CAB39: variants seen among roughly 807,000 people sequenced by gnomAD.
CAB39 encodes the protein calcium-binding protein 39.
CAB39 carries 8 observed loss-of-function variants against 40.0 expected under a neutral mutation model. The ratio of observed to expected loss-of-function variants is 0.20; its 90% CI spans 0.12 to 0.36. The LOEUF is 0.36. CAB39 is among the 10% of genes least tolerant of loss of function. The pLI is 1.00. For synonymous variants in CAB39, 156 were observed against 141.6 expected (o/e 1.10, Z -0.72); for missense variants, 270 against 401.1 (o/e 0.67, Z 2.79).
intron 1 of CAB39, among the ~76,000 whole-genome samples, chr2:230,730,705 A>G (rs562725390): frequency 6.6e-6 from 1 of 152,286 alleles, no homozygotes; most frequent in South Asian, 2.1e-4. Context: ...CGGCCTCCCA[A>G]AGTGCTGGGA....
intron 1 of CAB39, among the ~76,000 whole-genome samples, chr2:230,732,735 A>G (rs1449568682): frequency 6.6e-6 from 1 of 152,198 alleles, no homozygotes; most frequent in Non-Finnish European, 1.5e-5. Flanking sequence ...TTATTCAGCA[A>G]TGAGAGCAGG....
At chr2:230,753,244 CTG>C (rs1317886921) in intron 1 of CAB39, among the ~76,000 whole-genome samples, 1 of 152,148 alleles carries the variant, frequency 6.6e-6, no homozygotes, top group African/African-American at 2.4e-5. Context: ...AGTGTTGTAA[CTG>C]TTCATTTTAT....
chr2:230,735,144 A>G (rs1054286730), intron 1 of CAB39, among the ~76,000 whole-genome samples: 4 of 152,096 alleles, frequency 2.6e-5, no homozygotes, highest in Non-Finnish European at 5.9e-5. Context: ...GCAGTTTACA[A>G]GTAGAGCTCA....
At chr2:230,752,487 G>A (rs1695108439) in intron 1 of CAB39, among the ~76,000 whole-genome samples, 1 of 152,130 alleles carries the variant, frequency 6.6e-6, no homozygotes, top group African/African-American at 2.4e-5. Context: ...GTCAAAATAG[G>A]GACAAATGCC....
chr2:230,749,143 A>G (rs1018183762), intron 1 of CAB39, among the ~76,000 whole-genome samples: 2 of 151,506 alleles, frequency 1.3e-5, no homozygotes, highest in Admixed American at 1.3e-4. Flanking sequence ...TTATATATAC[A>G]TATGTTACTA....
chr2:230,799,192 G>T, intron 5 of CAB39: 1 of 233,514 alleles, frequency 4.3e-6, no homozygotes, highest in Non-Finnish European at 7.5e-6. Context: ...GTAACAACCA[G>T]GTTTTCTCCT....
chr2:230,773,956 T>C (rs1415064001), intron 2 of CAB39, among the ~76,000 whole-genome samples: 1 of 152,150 alleles, frequency 6.6e-6, no homozygotes, highest in Non-Finnish European at 1.5e-5. Flanking sequence ...CTAGAAGGAA[T>C]TCAAGCTTTG....
intron 2 of CAB39, among the ~76,000 whole-genome samples, chr2:230,763,107 C>A (rs1695323688): frequency 6.6e-6 from 1 of 152,074 alleles, no homozygotes; most frequent in Non-Finnish European, 1.5e-5. Flanking sequence ...AAACTCATTA[C>A]AAGTTATAAA....
rs375891110 is a variant in CAB39 at position 230,818,095 on chromosome 2, G to A, written c.837+198G>A. The A allele has an allele frequency of 3.2e-4, 176 of 550,914 alleles. 3 individuals carry two copies. Among genetic ancestry groups the A allele is most frequent in the East Asian group, 2.6e-3 (82 of 31,058 alleles). The allele number at this position is 550,914 out of a possible 1,614,324, so 34.1% of individuals were successfully genotyped here. On this transcript the variant is annotated intron_variant, in intron 8 of 8. Transcript: ENST00000258418. ...CGGGTTACTGTTTGGATCTGGGAAC[G>A]AGAAGGTTTGTTCATAGAAGAGTGT...
intron 4 of CAB39, among the ~76,000 whole-genome samples, chr2:230,796,064 A>G (rs1695981035): frequency 1.3e-5 from 2 of 152,178 alleles, no homozygotes; most frequent in Admixed American, 6.5e-5. Flanking sequence ...GCAAGACCCC[A>G]TCAGTCTGTG....
rs951068307 is a variant in CAB39, at chr2:230,712,913, A to G, written c.-361A>G. ...GGTTCGGGGAGCGGCGCGGCCTGGGAGACACAGAGCCTTCAGGCGCCGGGG... is the reference window on the plus strand; with the variant it reads ...GGTTCGGGGAGCGGCGCGGCCTGGGGGACACAGAGCCTTCAGGCGCCGGGG... On this transcript the variant is annotated 5_prime_UTR_variant, in exon 1 of 9. Transcript: ENST00000258418. 2.6e-5 allele frequency: 4 copies of G among 151,778 alleles called. No individual in the cohort carries two copies. Among genetic ancestry groups the G allele is most frequent in the Admixed American group, 6.6e-5 (1 of 15,214 alleles). 9.4% of individuals were successfully genotyped at this position (151,778 alleles called of 1,614,324 possible).
intron 5 of CAB39, among the ~76,000 whole-genome samples, chr2:230,804,839 C>T (rs548735608): frequency 6.6e-6 from 1 of 152,276 alleles, no homozygotes; most frequent in South Asian, 2.1e-4. Flanking sequence ...GACAGTGTGG[C>T]GATTCCTGAA....
chr2:230,737,493 G>A (rs1694807472), intron 1 of CAB39, among the ~76,000 whole-genome samples: 1 of 152,120 alleles, frequency 6.6e-6, no homozygotes, highest in African/African-American at 2.4e-5. Context: ...CCAGCATTTG[G>A]GGAGATAGAA....
chr2:230,802,553 C>A (rs1356676007), intron 5 of CAB39, among the ~76,000 whole-genome samples: 2 of 151,990 alleles, frequency 1.3e-5, no homozygotes, highest in Non-Finnish European at 2.9e-5. Flanking sequence ...CAAATAGACG[C>A]AATAAAAAAT....
chr2:230,736,137 C>G (rs1000938781), intron 1 of CAB39, among the ~76,000 whole-genome samples: 3 of 152,088 alleles, frequency 2.0e-5, no homozygotes, highest in Non-Finnish European at 4.4e-5. Flanking sequence ...ATGGCTTTAC[C>G]ACATTTTCTC....
At chr2:230,818,188 G>C in intron 8 of CAB39, 1 of 447,150 alleles carries the variant, frequency 2.2e-6, no homozygotes, top group Non-Finnish European at 3.9e-6. Context: ...TTCTGTGGAG[G>C]TTTCATTCTT....
Position 230,810,255 on chromosome 2 carries a change from T to G in CAB39, c.568-8T>G, listed in dbSNP as rs1412017928. On this transcript the variant is annotated splice_polypyrimidine_tract_variant and splice_region_variant and intron_variant, in intron 5 of 8. Coordinates refer to ENST00000258418, the MANE Select transcript of CAB39 (RefSeq NM_016289.4). ...ACAACTGTAAACAATTTTTTTTTCT[T>G]TTTGTAGGATTTACTTACAAGACAT... 7.1e-7 allele frequency: 1 copy of G among 1,401,108 alleles called. No homozygotes were observed. The highest frequency in any genetic ancestry group is 9.8e-7 in the Non-Finnish European group (1 of 1,017,798). 86.8% of individuals were successfully genotyped at this position (1,401,108 alleles called of 1,614,324 possible).
At chr2:230,780,796 C>T (rs537226492) in intron 2 of CAB39, among the ~76,000 whole-genome samples, 2 of 152,264 alleles carry the variant, frequency 1.3e-5, no homozygotes, top group East Asian at 1.9e-4. Flanking sequence ...TAATAAGTAT[C>T]TTGGAGCCAG....
At chr2:230,755,057 A>G (rs1390461603) in intron 1 of CAB39, among the ~76,000 whole-genome samples, 2 of 152,040 alleles carry the variant, frequency 1.3e-5, no homozygotes, top group Non-Finnish European at 2.9e-5. Context: ...ATATATATAC[A>G]TACATACACA....
Sources: allele counts gnomAD v4.1 joint callset (sites outside exome capture counted in the v4.1 genomes callset), GRCh38; gene constraint gnomAD v4.1.1; transcripts MANE v1.5; gene names NCBI Gene and HGNC (gene_info 2026-07-23, HGNC 2026-07-21).